Variants in ADGRE1 observed in about 807,000 individuals in gnomAD.
The protein encoded by ADGRE1 is EGF-like module receptor 1.
A neutral mutation model predicts 102.7 loss-of-function variants in ADGRE1; 82 were observed. The observed-to-expected ratio is 0.80, with a 90% CI of 0.67 to 0.96. ADGRE1 has a LOEUF of 0.96. ADGRE1 is among the 40% of genes least tolerant of loss of function. The pLI is 0.00. For synonymous variants in ADGRE1, 398 were observed against 399.6 expected (o/e 1.00, Z 0.05); for missense variants, 1,032 against 1,085.3 (o/e 0.95, Z 0.69).
In ADGRE1 at chr19:6,896,437, C is replaced by G; in HGVS notation, c.134C>G (p.Ala45Gly). 1 of 1,614,068 alleles carries G rather than the reference C, an allele frequency of 6.2e-7. No homozygotes were observed. Among genetic ancestry groups the G allele is most frequent in the Non-Finnish European group, 8.5e-7 (1 of 1,179,974 alleles). Reference sequence around the variant, plus strand: ...GACAGTACCTTGTGCCCAGCTTATGCCACCTGCACCAATACAGTGGACAGT... The same window carrying G: ...GACAGTACCTTGTGCCCAGCTTATGGCACCTGCACCAATACAGTGGACAGT... The part of the protein sequence containing the change: ...CRDSTLCPAY[A>G]TCTNTVDSYY... The change falls in exon 3 of 21, where the codon GCC (alanine) becomes GGC (glycine). Residue 45 changes from alanine (A) to glycine (G), a missense_variant. Transcript: ENST00000312053.
At chr19:6,916,453 T>A in intron 12 of ADGRE1, 85 bp downstream of exon 12, 1 of 1,506,366 alleles carries the variant, frequency 6.6e-7, no homozygotes, top group Non-Finnish European at 8.9e-7. Flanking sequence ...CCAAGACCAG[T>A]GCCAGATAGT....
At chr19:6,915,334 T>C (rs145881659) in intron 11 of ADGRE1, among the ~76,000 whole-genome samples, 5 of 152,254 alleles carry the variant, frequency 3.3e-5, no homozygotes, top group African/African-American at 1.2e-4. Context: ...TGAAAGGACA[T>C]TGGAAAATTT....
chr19:6,890,376 C>A, intron 1 of ADGRE1, 105 bp from the exon 2 acceptor site: 1 of 1,102,154 alleles, frequency 9.1e-7, no homozygotes, highest in Admixed American at 2.9e-5. Flanking sequence ...AAACCTATTT[C>A]TGTGGGGCCA....
intron 5 of ADGRE1, among the ~76,000 whole-genome samples, 171 bp from the exon 6 acceptor site, chr19:6,901,704 A>G (rs897739): frequency 0.37 from 56,284 of 152,052 alleles, 12,245 homozygotes; most frequent in African/African-American, 0.6. Context: ...TGAAAGAAGG[A>G]ACTGGGAAAT....
chr19:6,918,753 C>CT (rs1568353503), intron 12 of ADGRE1, among the ~76,000 whole-genome samples: 1 of 151,552 alleles, frequency 6.6e-6, no homozygotes, highest in Non-Finnish European at 1.5e-5. Context: ...GTTTTGTTTT[C>CT]TTTTTTTGTC....
At position 6,936,626 on chromosome 19, in the gene ADGRE1, GTT is replaced by G. The variant is rs34730751; in HGVS notation, c.2382-602_2382-601del. Among the ~76,000 whole-genome samples, 681 of 127,610 alleles carry G rather than the reference GTT, an allele frequency of 5.3e-3. 3 individuals are homozygous for G. The highest frequency in any genetic ancestry group is 0.028 in the Middle Eastern group (7 of 254). 83.7% of individuals were successfully genotyped at this position (127,610 alleles called of 152,430 possible). On this transcript the variant is annotated intron_variant, in intron 18 of 20. Transcript: ENST00000312053. ...CGCCACTATCTAGTGGCAAATCCTT[GTT>G]TTTTTTTTTTTTTTGAGACAGAGTC...
chr19:6,916,467 G>C, intron 12 of ADGRE1, 99 bp downstream of exon 12: 2 of 1,464,066 alleles, frequency 1.4e-6, no homozygotes, highest in Non-Finnish European at 9.1e-7. Flanking sequence ...AGATAGTTGA[G>C]AACCAATGAG....
intron 1 of ADGRE1, among the ~76,000 whole-genome samples, chr19:6,889,245 T>A (rs1383360574): frequency 2.6e-5 from 4 of 151,530 alleles, no homozygotes; most frequent in African/African-American, 7.3e-5. Context: ...ATAATGGTGA[T>A]GGTGATGATG....
At chr19:6,922,647 CACACACACACAA>C (rs1470757464) in intron 14 of ADGRE1, among the ~76,000 whole-genome samples, 1 of 149,632 alleles carries the variant, frequency 6.7e-6, no homozygotes, top group Non-Finnish European at 1.5e-5. Context: ...CACACACACA[CACACACACACAA>C]ACAAAAAGAA....
chr19:6,925,369 C>T (rs564666719), intron 15 of ADGRE1, among the ~76,000 whole-genome samples: 3 of 152,276 alleles, frequency 2.0e-5, no homozygotes, highest in East Asian at 1.9e-4. Flanking sequence ...GTGATCCACC[C>T]GCCTTGGTCT....
At position 6,940,190 on chromosome 19, in the gene ADGRE1, G is replaced by A; in HGVS notation, c.*161G>A. 2.5e-6 allele frequency: 2 copies of A among 787,034 alleles called. No homozygotes were observed. Among genetic ancestry groups the A allele is most frequent in the Non-Finnish European group, 4.2e-6 (2 of 481,000 alleles). The allele number at this position is 787,034 out of a possible 1,614,324, so 48.8% of individuals were successfully genotyped here. A position where few individuals can be genotyped will look rare whatever the true frequency, so the allele number is the denominator to read the frequency against. ...GAATGTTGGGGGCGGTCTTCCTGTG[G>A]TTGTATGCACTGATGAGAAATCAGG... is the stretch of plus-strand genomic sequence containing the variant. On this transcript the variant is annotated 3_prime_UTR_variant, in exon 21 of 21. Coordinates refer to ENST00000312053, the MANE Select transcript of ADGRE1 (RefSeq NM_001974.5).
intron 2 of ADGRE1, 28 bp from the exon 3 acceptor site, chr19:6,896,370 T>A (rs1224029384): frequency 1.2e-6 from 2 of 1,610,480 alleles, no homozygotes; most frequent in Admixed American, 3.3e-5. Context: ...TCTAATCTTG[T>A]CTAAACTTTT....
Position 6,896,415 on chromosome 19 carries a change from A to T in ADGRE1, c.112A>T (p.Ser38Cys). Residue 38 changes from serine to cysteine, a missense_variant, in exon 3 of 21, where the codon AGT becomes TGT. Physicochemically the swap from Ser to Cys is moderately radical, Grantham distance 112 (BLOSUM62 -1). Coordinates refer to ENST00000312053, the MANE Select transcript of ADGRE1 (RefSeq NM_001974.5). The part of the protein sequence containing the change: ...PNTKGNNCRD[S>C]TLCPAYATCT... Reference sequence around the variant, plus strand: ...CTGCCTAGGTAATAACTGTAGAGACAGTACCTTGTGCCCAGCTTATGCCAC... The same window carrying T: ...CTGCCTAGGTAATAACTGTAGAGACTGTACCTTGTGCCCAGCTTATGCCAC... 1 of 1,614,154 alleles carries T rather than the reference A, an allele frequency of 6.2e-7. No individual in the cohort carries two copies. Among genetic ancestry groups the T allele is most frequent in the Non-Finnish European group, 8.5e-7 (1 of 1,179,996 alleles).
intron 17 of ADGRE1, chr19:6,928,444 G>A (rs923967135): frequency 1.3e-5 from 13 of 997,618 alleles, no homozygotes; most frequent in Non-Finnish European, 1.8e-5. Context: ...TGGCCAACTT[G>A]GCGAAACCCC....
chr19:6,928,056 C>A (rs1380399924), intron 16 of ADGRE1, 89 bp from the exon 17 acceptor site: 2 of 1,470,950 alleles, frequency 1.4e-6, no homozygotes, highest in African/African-American at 2.8e-5. Flanking sequence ...TCCCAGTGTT[C>A]TCCTCCACTA....
In ADGRE1 at chr19:6,940,096, T is replaced by A. The variant is rs933120966; in HGVS notation, c.*67T>A. The A allele has an allele frequency of 1.1e-5, 17 of 1,551,636 alleles. No individual in the cohort carries two copies. The highest frequency in any genetic ancestry group is 2.7e-5 in the African/African-American group (2 of 73,732). On this transcript the variant is annotated 3_prime_UTR_variant, in exon 21 of 21. Transcript: ENST00000312053. ...AGGACAGTAGTTTCCTGCAGGAGCC[T>A]ACCCTGAAATCTCTTCTCAGCTTAA...
At chr19:6,900,782 T>C (rs973592303) in intron 5 of ADGRE1, among the ~76,000 whole-genome samples, 4 of 152,238 alleles carry the variant, frequency 2.6e-5, no homozygotes, top group Non-Finnish European at 5.9e-5. Context: ...TAAGAGATGT[T>C]TGAAATCATC....
rs149695793 is a variant in ADGRE1 at position 6,906,504 on chromosome 19, G to A, written c.1021G>A (p.Ala341Thr). 122 of 1,613,500 alleles carry A rather than the reference G, an allele frequency of 7.6e-5. No homozygotes were observed. The highest frequency in any genetic ancestry group is 3.6e-4 in the African/African-American group (27 of 75,034). The stretch of plus-strand genomic sequence containing the variant: ...GATCCAGCAATGCCAAGAGGGAACC[G>A]CAGTGAAACCTGCATATGCAAGTAT... ...KQIQQCQEGT[A>T]VKPAYVSFCA... Residue 341 changes from alanine (A) to threonine (T), a missense_variant, in exon 9 of 21, where the codon GCA (alanine) becomes ACA (threonine). Physicochemically the swap from Ala to Thr is moderately conservative, Grantham distance 58. Coordinates refer to ENST00000312053, the MANE Select transcript of ADGRE1 (RefSeq NM_001974.5).
In ADGRE1 at chr19:6,937,325, G is replaced by A; in HGVS notation, c.2464G>A (p.Ala822Thr). ...GGGCATTTTTCAGATTGGACCTGTG[G>A]CAGGTGTCATGGCTTACCTGTTCAC... ...VLGIFQIGPV[A>T]GVMAYLFTII... The change falls in exon 19 of 21, where the codon GCA becomes ACA. Residue 822 changes from alanine (A) to threonine (T), a missense_variant. Ala to Thr is a moderately conservative substitution (Grantham distance 58). Transcript: ENST00000312053. The A allele has an allele frequency of 6.2e-7, 1 of 1,614,114 alleles. No individual in the cohort carries two copies. The highest frequency in any genetic ancestry group is 8.5e-7 in the Non-Finnish European group (1 of 1,180,024).
Sources: allele counts gnomAD v4.1 joint callset (sites outside exome capture counted in the v4.1 genomes callset), GRCh38; gene constraint gnomAD v4.1.1; transcripts MANE v1.5; gene names NCBI Gene and HGNC (gene_info 2026-07-23, HGNC 2026-07-21).